Variants in ATP2B2 observed in about 807,000 individuals in gnomAD.
ATP2B2 encodes the protein ATPase plasma membrane Ca2+ transporting 2.
ATP2B2 carries 15 observed loss-of-function variants against 120.0 expected under a neutral mutation model. The observed-to-expected ratio is 0.12, with a 90% confidence interval of 0.08 to 0.19. The LOEUF is 0.19. ATP2B2 is among the 10% of genes least tolerant of loss of function. ATP2B2 has a pLI of 1.00. For missense variants in ATP2B2, 1,045 were observed against 1,719.8 expected (o/e 0.61, Z 6.94); for synonymous variants, 694 against 700.3 (o/e 0.99, Z 0.14).
intron 2 of ATP2B2, among the ~76,000 whole-genome samples, chr3:10,553,506 T>C (rs917994195): frequency 6.6e-6 from 1 of 152,240 alleles, no homozygotes; most frequent in Non-Finnish European, 1.5e-5. Flanking sequence ...AAAACGCCTC[T>C]TTTAATAGTC....
rs761541624 is a variant in ATP2B2 at position 10,347,546 on chromosome 3, G to A, written c.2405-1409C>T. On this transcript the variant is annotated intron_variant, in intron 16 of 22. Transcript: ENST00000360273. This position sits in a 1 kb window ranked among gnomAD's most constrained non-coding sequence, Gnocchi z 5.2. ...CTCTTTCAGGCCCAGCTGCAGTGCC[G>A]TGTGTTCTGGGAATCGTTCTGGGCT... Among the ~76,000 whole-genome samples the A allele has an allele frequency of 6.6e-6, 1 of 152,290 alleles. No individual in the cohort carries two copies. The highest frequency in any genetic ancestry group is 3.4e-3 in the Middle Eastern group (1 of 294).
intron 2 of ATP2B2, among the ~76,000 whole-genome samples, chr3:10,444,176 C>G (rs1285155887): frequency 1.3e-5 from 2 of 152,218 alleles, no homozygotes; most frequent in Admixed American, 1.3e-4. Flanking sequence ...CATCTCTGGC[C>G]AGGCAGTGAA....
intron 2 of ATP2B2, among the ~76,000 whole-genome samples, chr3:10,417,645 T>C (rs1157527423): frequency 1.3e-5 from 2 of 152,226 alleles, no homozygotes. Flanking sequence ...ATTCAATCAA[T>C]CACCGAATTT....
intron 1 of ATP2B2, among the ~76,000 whole-genome samples, chr3:10,481,717 C>A (rs1323010861): frequency 6.6e-6 from 1 of 152,126 alleles, no homozygotes; most frequent in African/African-American, 2.4e-5. Flanking sequence ...CCACGCCCAG[C>A]TAATTTTTGT....
intron 11 of ATP2B2, among the ~76,000 whole-genome samples, chr3:10,374,984 C>T (rs530827367): frequency 3.3e-5 from 5 of 152,274 alleles, no homozygotes; most frequent in South Asian, 4.1e-4. Flanking sequence ...CGACTGAGAC[C>T]GCCAGACTTC....
chr3:10,509,425 G>T (rs568318905), upstream of ATP2B2, among the ~76,000 whole-genome samples: 9 of 152,208 alleles, frequency 5.9e-5, no homozygotes, highest in East Asian at 3.9e-4. Flanking sequence ...ATTTCCAAAG[G>T]TCTCTCACAT....
chr3:10,571,379 G>T (rs570721843), intron 2 of ATP2B2, among the ~76,000 whole-genome samples: 1 of 152,354 alleles, frequency 6.6e-6, no homozygotes, highest in Non-Finnish European at 1.5e-5. Context: ...CCCATGGGCT[G>T]TGAGAACCCA....
Position 10,329,228 on chromosome 3 carries a change from G to A in ATP2B2, c.3421-103C>T, listed in dbSNP as rs2059917552. The A allele has an allele frequency of 8.5e-7, 1 of 1,172,262 alleles. No homozygotes were observed. The highest frequency in any genetic ancestry group is 1.2e-5 in the South Asian group (1 of 81,406). 72.6% of individuals were successfully genotyped at this position (1,172,262 alleles called of 1,614,324 possible). On this transcript the variant is annotated intron_variant, in intron 22 of 22. Coordinates refer to ENST00000360273, the MANE Select transcript of ATP2B2 (RefSeq NM_001001331.4). The surrounding 1 kb of genome is among the most constrained non-coding windows in gnomAD (Gnocchi z 5.9). ...TGGGAGAAGGGTTAGGGCAAAGCAG[G>A]TGGCTGGAATCCATAGTCGCTGGGT...
intron 2 of ATP2B2, among the ~76,000 whole-genome samples, chr3:10,582,093 AC>A (rs1308037213): frequency 1.3e-5 from 2 of 152,188 alleles, no homozygotes; most frequent in African/African-American, 4.8e-5. Context: ...AACGAGACAT[AC>A]TTTGGCGCTT....
intron 16 of ATP2B2, among the ~76,000 whole-genome samples, chr3:10,349,597 C>T (rs73129237): frequency 0.013 from 2,009 of 152,114 alleles, 53 homozygotes; most frequent in African/African-American, 0.045. Flanking sequence ...CCCAGGAGAG[C>T]GCATCCCTGA....
At chr3:10,659,921 C>G (rs887774758) in intron 1 of ATP2B2, among the ~76,000 whole-genome samples, 18 of 152,072 alleles carry the variant, frequency 1.2e-4, no homozygotes, top group African/African-American at 4.8e-5. Context: ...TGCAATCAAA[C>G]TAGAACTCAG....
rs768259928 is a variant in ATP2B2, at chr3:10,388,316, C to G, written c.868G>C (p.Gly290Arg). 1.2e-6 allele frequency: 2 copies of G among 1,614,200 alleles called. No individual in the cohort carries two copies. The highest frequency in any genetic ancestry group is 1.7e-6 in the Non-Finnish European group (2 of 1,180,036). ...TTCTCTTCCTCTTCACCACCAGCCC[C>G]CAGGAGGGTAAAGATGATGCCAGTC... ...SQTGIIFTLL[G>R]AGGEEEEKKD... Residue 290 changes from glycine (G) to arginine (R), a missense_variant, in exon 6 of 23, where the codon GGG becomes CGG. Gly to Arg is a moderately radical substitution (Grantham distance 125, BLOSUM62 -2). Around this residue, in one of 11 missense-constraint regions of ATP2B2, gnomAD observed 145 missense variants for 202.0 expected, o/e 0.72. Coordinates refer to ENST00000360273, the MANE Select transcript of ATP2B2 (RefSeq NM_001001331.4).
chr3:10,543,908 T>C (rs1250758212), intron 2 of ATP2B2, among the ~76,000 whole-genome samples: 2 of 152,046 alleles, frequency 1.3e-5, no homozygotes, highest in Non-Finnish European at 2.9e-5. Context: ...CCGTCTAATT[T>C]TTGTATTTTT....
At chr3:10,512,718 G>C (rs977644770) in intron 3 of ATP2B2, among the ~76,000 whole-genome samples, 1 of 152,208 alleles carries the variant, frequency 6.6e-6, no homozygotes, top group Non-Finnish European at 1.5e-5. Flanking sequence ...AGGCAGCCAG[G>C]GTCTCAGAAC....
rs552029516 is a variant in ATP2B2 at position 10,623,000 on chromosome 3, A to G, written c.-459-3039T>C. On this transcript the variant is annotated intron_variant, in intron 1 of 21. Coordinates refer to the ATP2B2 transcript ENST00000646379. ...CCCTGCAGAGGGCTGTGGTGAAGGTAAAAGGAAAGGATGTATGGAAAACAC... is the reference window on the plus strand; with the variant it reads ...CCCTGCAGAGGGCTGTGGTGAAGGTGAAAGGAAAGGATGTATGGAAAACAC... Among the ~76,000 whole-genome samples the G allele has an allele frequency of 8.9e-4, 136 of 151,964 alleles. 1 individual carries two copies. Among genetic ancestry groups the G allele is most frequent in the Admixed American group, 1.8e-3 (27 of 15,268 alleles).
At chr3:10,410,460 C>A (rs1199888160) in intron 3 of ATP2B2, among the ~76,000 whole-genome samples, 158 bp downstream of exon 3, 1 of 152,252 alleles carries the variant, frequency 6.6e-6, no homozygotes, top group East Asian at 1.9e-4. Context: ...GGCTCGGCCA[C>A]CCTTTGGCTG....
Position 10,340,438 on chromosome 3 carries a change from G to A in ATP2B2, c.3129+55C>T. ...CTGGGCTCTCAGGGTCCTGCCCAGGGGCTCCAGCCGCTTGCTGCCCACCCC... is the reference window on the plus strand; with the variant it reads ...CTGGGCTCTCAGGGTCCTGCCCAGGAGCTCCAGCCGCTTGCTGCCCACCCC... On this transcript the variant is annotated intron_variant, in intron 20 of 22. Coordinates refer to ENST00000360273, the MANE Select transcript of ATP2B2 (RefSeq NM_001001331.4). This position sits in a 1 kb window ranked among gnomAD's most constrained non-coding sequence, Gnocchi z 5.0. 6.2e-7 allele frequency: 1 copy of A among 1,613,712 alleles called. No individual in the cohort carries two copies. The highest frequency in any genetic ancestry group is 8.5e-7 in the Non-Finnish European group (1 of 1,179,678).
chr3:10,557,674 G>T (rs779123510), intron 2 of ATP2B2, among the ~76,000 whole-genome samples: 1 of 152,204 alleles, frequency 6.6e-6, no homozygotes, highest in Non-Finnish European at 1.5e-5. Flanking sequence ...GGTCTGAAGT[G>T]ACTGGAGTGG....
chr3:10,631,049 C>T (rs2069850261), intron 1 of ATP2B2, among the ~76,000 whole-genome samples: 1 of 152,244 alleles, frequency 6.6e-6, no homozygotes, highest in African/African-American at 2.4e-5. Flanking sequence ...CCGAGCCACA[C>T]AACTTGGTTT....
Sources: allele counts gnomAD v4.1 joint callset (sites outside exome capture counted in the v4.1 genomes callset), GRCh38; gene constraint gnomAD v4.1.1; regional missense constraint gnomAD v4.1.1; non-coding constraint Gnocchi (gnomAD v3.1); transcripts MANE v1.5; gene names NCBI Gene and HGNC (gene_info 2026-07-23, HGNC 2026-07-21).